The following HIPK2 variants were observed in gnomAD, a reference collection of about 807,000 sequenced individuals.
HIPK2 encodes homeodomain-interacting protein kinase 2.
HIPK2 carries 27 observed loss-of-function variants against 113.7 expected under a neutral mutation model. The ratio of observed to expected loss-of-function variants is 0.24; its 90% CI spans 0.17 to 0.33. The LOEUF is 0.33. Ranked by LOEUF, HIPK2 falls within the 10% of genes least tolerant of loss-of-function variation. The probability of loss-of-function intolerance (pLI) is 1.00; values close to 1 mark genes in which losing one functional copy is unlikely to be tolerated. For synonymous variants in HIPK2, 631 were observed against 642.2 expected (o/e 0.98, Z 0.26); for missense variants, 1,257 against 1,588.0 (o/e 0.79, Z 3.54).
intron 1 of HIPK2, among the ~76,000 whole-genome samples, chr7:139,739,337 C>T (rs185273412): frequency 3.7e-4 from 56 of 152,226 alleles, no homozygotes; most frequent in African/African-American, 1.3e-3. Context: ...CCTGTAATCC[C>T]GCATTTTGGG....
chr7:139,622,936 C>G (rs138833047), intron 6 of HIPK2, among the ~76,000 whole-genome samples: 1 of 152,184 alleles, frequency 6.6e-6, no homozygotes, highest in Admixed American at 6.5e-5. Flanking sequence ...TTCTTCCTTA[C>G]AGAACCCAGA....
rs1327732260 is a variant in HIPK2, at chr7:139,684,409, G to T, written c.1103+31523C>A. ...AGCTAGTAATGATTGAGCTTAGTGA[G>T]GAAGGTATGTCAAAAGCTGACACAG... is the stretch of plus-strand genomic sequence containing the variant. On this transcript the variant is annotated intron_variant, in intron 2 of 14. Coordinates refer to ENST00000406875, the MANE Select transcript of HIPK2 (RefSeq NM_022740.5). Among the ~76,000 whole-genome samples, 6 of 152,308 alleles carry T rather than the reference G, an allele frequency of 3.9e-5. No individual in the cohort carries two copies. In the East Asian group the frequency reaches 1.2e-3, roughly 29 times the overall value.
At chr7:139,762,976 G>A (rs1258456042) in intron 1 of HIPK2, among the ~76,000 whole-genome samples, 4 of 152,200 alleles carry the variant, frequency 2.6e-5, no homozygotes, top group Non-Finnish European at 5.9e-5. Flanking sequence ...AAAGCCTCCT[G>A]GAGGAAGTGA....
In HIPK2 at chr7:139,563,521, T is replaced by A. The variant is rs1162733229; in HGVS notation, c.*9406A>T. 3 of 226,478 alleles carry A rather than the reference T, an allele frequency of 1.3e-5. No individual in the cohort carries two copies. In the East Asian group the frequency reaches 2.6e-4, roughly 19 times the overall value. The allele number at this position is 226,478 out of a possible 1,614,324, so 14.0% of individuals were successfully genotyped here. On this transcript the variant is annotated 3_prime_UTR_variant, in exon 15 of 15. Coordinates refer to ENST00000406875, the MANE Select transcript of HIPK2 (RefSeq NM_022740.5). ...GGGAGAGCAGAGGCAGAGCCCTTTT[T>A]CAGATACAACATACTTACTTTTCAA...
chr7:139,768,625 G>A (rs1401049154), intron 1 of HIPK2, among the ~76,000 whole-genome samples: 2 of 152,182 alleles, frequency 1.3e-5, no homozygotes, highest in East Asian at 3.8e-4. Flanking sequence ...CTGTGGCCTT[G>A]CTTTCCTTGG....
At chr7:139,596,602 C>T in intron 12 of HIPK2, 115 bp downstream of exon 12, 1 of 1,414,876 alleles carries the variant, frequency 7.1e-7, no homozygotes, top group Non-Finnish European at 9.6e-7. Context: ...CAAAACCAAA[C>T]TGTAAGGGTC....
At chr7:139,730,296 A>G (rs945858252) in intron 1 of HIPK2, among the ~76,000 whole-genome samples, 1 of 152,024 alleles carries the variant, frequency 6.6e-6, no homozygotes. Flanking sequence ...CAGAATCAGA[A>G]CTGGAAATCT....
intron 13 of HIPK2, among the ~76,000 whole-genome samples, chr7:139,580,566 C>T (rs776673021): frequency 3.9e-5 from 6 of 152,228 alleles, no homozygotes; most frequent in Non-Finnish European, 8.8e-5. Flanking sequence ...TGTCCAGCTA[C>T]TCTCCGTGAT....
At chr7:139,684,050 T>G (rs899944158) in intron 2 of HIPK2, among the ~76,000 whole-genome samples, 3 of 152,170 alleles carry the variant, frequency 2.0e-5, no homozygotes, top group Admixed American at 2.0e-4. Flanking sequence ...GCTCACTTCA[T>G]GTCTCTGTGC....
At chr7:139,582,758 A>G (rs1176234390) in intron 13 of HIPK2, among the ~76,000 whole-genome samples, 2 of 152,226 alleles carry the variant, frequency 1.3e-5, no homozygotes, top group Admixed American at 6.5e-5. Flanking sequence ...ATCCCAGGCA[A>G]TGCCATGAGC....
chr7:139,766,894 C>T (rs746044318), intron 1 of HIPK2, among the ~76,000 whole-genome samples: 2 of 152,194 alleles, frequency 1.3e-5, no homozygotes, highest in African/African-American at 2.4e-5. Context: ...CACAGACCAG[C>T]TGGCTCTGAA....
chr7:139,585,333 A>G (rs984220142), intron 12 of HIPK2, among the ~76,000 whole-genome samples: 2 of 152,214 alleles, frequency 1.3e-5, no homozygotes, highest in Non-Finnish European at 2.9e-5. Context: ...GGCAGGAGGG[A>G]CAGAAGCAGA....
intron 11 of HIPK2, among the ~76,000 whole-genome samples, chr7:139,600,212 C>T (rs565446628): frequency 1.2e-4 from 19 of 152,326 alleles, no homozygotes; most frequent in East Asian, 9.6e-4. Flanking sequence ...ACTATTACCA[C>T]GGTCTTAAAC....
chr7:139,593,929 C>T (rs964036816), intron 12 of HIPK2, among the ~76,000 whole-genome samples: 1 of 152,126 alleles, frequency 6.6e-6, no homozygotes, highest in Non-Finnish European at 1.5e-5. Context: ...CCTTGTTTTC[C>T]CAGGACTGAT....
intron 2 of HIPK2, among the ~76,000 whole-genome samples, chr7:139,712,616 C>T (rs754474990): frequency 1.2e-4 from 18 of 152,238 alleles, no homozygotes; most frequent in Non-Finnish European, 1.9e-4. Context: ...CATTCCCTCA[C>T]GATGCAGATG....
At chr7:139,690,500 T>C (rs946546210) in intron 2 of HIPK2, among the ~76,000 whole-genome samples, 3 of 152,038 alleles carry the variant, frequency 2.0e-5, no homozygotes, top group Non-Finnish European at 4.4e-5. Context: ...CAGTAATAAA[T>C]GAGTTCTTGC....
intron 13 of HIPK2, 163 bp downstream of exon 13, chr7:139,583,654 A>G: frequency 1.0e-6 from 1 of 1,001,964 alleles, no homozygotes; most frequent in Non-Finnish European, 1.4e-6. Flanking sequence ...GTTCAGCAGA[A>G]GCCTCCCCTG....
intron 2 of HIPK2, among the ~76,000 whole-genome samples, chr7:139,670,827 A>C (rs1475377379): frequency 1.5e-5 from 2 of 132,038 alleles, no homozygotes; most frequent in Non-Finnish European, 3.1e-5. Flanking sequence ...GCAATGGCAC[A>C]ATCTCAGCTC....
chr7:139,614,515 A>T, intron 7 of HIPK2, 22 bp from the exon 8 acceptor site: 1 of 1,279,866 alleles, frequency 7.8e-7, no homozygotes. Flanking sequence ...ATGGGGATTA[A>T]ACAAAAATAA....
Sources: allele counts gnomAD v4.1 joint callset (sites outside exome capture counted in the v4.1 genomes callset), GRCh38; gene constraint gnomAD v4.1.1; transcripts MANE v1.5; gene names NCBI Gene and HGNC (gene_info 2026-07-23, HGNC 2026-07-21).